DACH2: variants seen among roughly 807,000 people sequenced by gnomAD.
DACH2 encodes the protein dachshund homolog 2.
DACH2 carries 17 observed loss-of-function variants against 35.8 expected under a neutral mutation model. The observed-to-expected ratio is 0.48, with a 90% CI of 0.33 to 0.71. The LOEUF is 0.71. Among genes scored for constraint, DACH2 ranks in the 30% least tolerant of loss-of-function variants. The pLI, the probability that DACH2 is intolerant of heterozygous loss-of-function variation, is 0.02. For synonymous variants in DACH2, 195 were observed against 177.3 expected, an observed-to-expected ratio of 1.10 and a Z score of -0.79; for missense variants, 469 against 472.7, an observed-to-expected ratio of 0.99 and a Z score of 0.07.
intron 7 of DACH2, among the ~76,000 whole-genome samples, chrX:86,760,045 C>T (rs1245025275): frequency 9.0e-6 from 1 of 111,650 alleles, no homozygotes; most frequent in Non-Finnish European, 1.9e-5. Flanking sequence ...TTCATTTAAT[C>T]CTGCCTTGTA....
At chrX:86,562,344 A>G (rs1328414167) in intron 3 of DACH2, among the ~76,000 whole-genome samples, 1 of 111,471 alleles carries the variant, frequency 9.0e-6, no homozygotes, top group African/African-American at 3.3e-5. Flanking sequence ...TTCATTGAGA[A>G]AAGATAGCAC....
intron 1 of DACH2, among the ~76,000 whole-genome samples, chrX:86,323,513 T>A (rs1242753628): frequency 2.7e-5 from 3 of 111,868 alleles, no homozygotes; most frequent in Non-Finnish European, 5.6e-5. Flanking sequence ...AAAACTCTTG[T>A]AGCATTGCAT....
At chrX:86,633,236 C>G (rs747447842) in intron 3 of DACH2, among the ~76,000 whole-genome samples, 1 of 109,412 alleles carries the variant, frequency 9.1e-6, no homozygotes, top group Non-Finnish European at 1.9e-5. Context: ...GAGAGAAGAT[C>G]CAAATAAACA....
At position 86,651,055 on chromosome X, in the gene DACH2, G is replaced by A; in HGVS notation, c.660G>A (p.Met220Ile). The A allele has an allele frequency of 8.3e-7, 1 of 1,206,979 alleles. No homozygotes were observed. The highest frequency in any genetic ancestry group is 3.0e-5 in the East Asian group (1 of 33,488). The part of the protein sequence containing the change: ...ITPTGITAAA[M>I]AEAMKLQKMK... ...TTTTAGGTATAACAGCTGCAGCGAT[G>A]GCTGAGGCGATGAAACTTCAGAAGA... The change falls in exon 4 of 12, where the codon ATG (methionine) becomes ATA (isoleucine). Residue 220 changes from methionine to isoleucine, a missense_variant. By Grantham distance (10) the Met-to-Ile change is conservative (BLOSUM62 1). Coordinates refer to ENST00000373125, the MANE Select transcript of DACH2 (RefSeq NM_053281.3).
At chrX:86,508,277 G>A (rs1489078076) in intron 2 of DACH2, among the ~76,000 whole-genome samples, 1 of 111,224 alleles carries the variant, frequency 9.0e-6, no homozygotes, top group Non-Finnish European at 1.9e-5. Flanking sequence ...ATTAATGTGC[G>A]GCTGGGCGAA....
At chrX:86,557,054 T>G (rs939051461) in intron 3 of DACH2, among the ~76,000 whole-genome samples, 7 of 108,432 alleles carry the variant, frequency 6.5e-5, no homozygotes, top group Non-Finnish European at 1.3e-4. Flanking sequence ...AAGGCCTGAG[T>G]GCAAAGAGTT....
chrX:86,530,836 T>G (rs2148288032), intron 3 of DACH2, among the ~76,000 whole-genome samples: 1 of 111,733 alleles, frequency 8.9e-6, no homozygotes, highest in South Asian at 3.8e-4. Flanking sequence ...TCCTAGAGAC[T>G]TGTTGAATGG....
At chrX:86,209,549 A>G (rs1048809536) in intron 1 of DACH2, among the ~76,000 whole-genome samples, 2 of 111,781 alleles carry the variant, frequency 1.8e-5, no homozygotes, top group African/African-American at 3.2e-5. Flanking sequence ...AGGCTGATTT[A>G]TCTTGCTCAG....
chrX:86,594,298 A>T (rs1001412433), intron 3 of DACH2, among the ~76,000 whole-genome samples: 46 of 111,078 alleles, frequency 4.1e-4, no homozygotes, highest in African/African-American at 1.4e-3. Context: ...TCAGAGAATC[A>T]AGTTTTAGTT....
intron 1 of DACH2, among the ~76,000 whole-genome samples, chrX:86,180,202 A>ATATATATATT (rs1338071562): frequency 1.9e-4 from 17 of 89,038 alleles, no homozygotes; most frequent in African/African-American, 6.6e-4. Context: ...ATATATATAT[A>ATATATATATT]TATATGGTTC....
chrX:86,795,673 G>A (rs1025474980), intron 7 of DACH2, among the ~76,000 whole-genome samples: 14 of 112,112 alleles, frequency 1.2e-4, no homozygotes, highest in African/African-American at 1.6e-4. Context: ...ATGAAGCCGC[G>A]GACCCTCGCA....
chrX:86,465,747 C>T (rs1016257506), intron 2 of DACH2, among the ~76,000 whole-genome samples: 10 of 111,639 alleles, frequency 9.0e-5, no homozygotes, highest in African/African-American at 1.9e-4. Context: ...TGGAATTCTC[C>T]GTATAGTAGA....
At chrX:86,292,453 C>T (rs373506117) in intron 1 of DACH2, among the ~76,000 whole-genome samples, 1 of 107,546 alleles carries the variant, frequency 9.3e-6, no homozygotes, top group Non-Finnish European at 1.9e-5. Flanking sequence ...TTAGTTATTT[C>T]TTGCCTTCTG....
chrX:86,174,396 G>A (rs242860), intron 1 of DACH2, among the ~76,000 whole-genome samples: 1,450 of 110,382 alleles, frequency 0.013, 22 homozygotes, highest in African/African-American at 0.044. Context: ...CAAAGTGGTG[G>A]GATCACAGGT....
At chrX:86,453,750 C>A (rs1030068055) in intron 2 of DACH2, among the ~76,000 whole-genome samples, 17 of 111,157 alleles carry the variant, frequency 1.5e-4, no homozygotes, top group Middle Eastern at 9.3e-3. Context: ...ACCAGTGGGT[C>A]TTGGTTCTTT....
chrX:86,780,167 T>TA (rs1478559956), intron 7 of DACH2, among the ~76,000 whole-genome samples: 1 of 10,530 alleles, frequency 9.5e-5, no homozygotes, highest in Non-Finnish European at 1.7e-4. Flanking sequence ...AGAATATAAA[T>TA]ACCAAAAAAA....
intron 1 of DACH2, among the ~76,000 whole-genome samples, chrX:86,211,199 A>G (rs1433330737): frequency 8.9e-6 from 1 of 111,959 alleles, no homozygotes; most frequent in Non-Finnish European, 1.9e-5. Flanking sequence ...TTAGAATACA[A>G]TGAAGTCATT....
intron 11 of DACH2, chrX:86,827,977 G>T: frequency 4.7e-6 from 2 of 423,121 alleles, no homozygotes; most frequent in Middle Eastern, 5.0e-4. Context: ...AGGTTTTTAG[G>T]GGATAGTCAT....
chrX:86,547,003 A>C (rs2038984200), intron 3 of DACH2, among the ~76,000 whole-genome samples: 1 of 111,002 alleles, frequency 9.0e-6, no homozygotes, highest in African/African-American at 3.3e-5. Flanking sequence ...TGTCATCTTC[A>C]CCTTCTAATC....
Sources: gnomAD v4.1 joint callset for allele counts (sites outside exome capture counted in the v4.1 genomes callset) on GRCh38, gnomAD v4.1.1 for gene constraint, MANE v1.5 for transcripts, NCBI Gene and HGNC (gene_info 2026-07-23, HGNC 2026-07-21) for gene names.